The following DHRSX variants were observed in gnomAD, a reference collection of about 807,000 sequenced individuals.
DHRSX encodes polyprenol dehydrogenase.
A neutral mutation model predicts 34.0 loss-of-function variants in DHRSX; 31 were observed. That is an observed-to-expected ratio of 0.91 (90% CI 0.69 to 1.23). DHRSX has a LOEUF of 1.23. DHRSX is among the 50% of genes most tolerant of loss of function. The pLI is 0.00. For missense variants in DHRSX, 414 were observed against 428.1 expected, an observed-to-expected ratio of 0.97 and a Z score of 0.29; for synonymous variants, 201 against 183.8, an observed-to-expected ratio of 1.09 and a Z score of -0.76.
chrX:2,302,882 A>C (rs1435722987), intron 3 of DHRSX, among the ~76,000 whole-genome samples: 2 of 152,108 alleles, frequency 1.3e-5, no homozygotes, highest in Non-Finnish European at 2.9e-5. Flanking sequence ...TTTTTATTGT[A>C]TCTACGGCAG....
chrX:2,334,299 G>T (rs2042523172), intron 3 of DHRSX: 1 of 151,208 alleles, frequency 6.6e-6, no homozygotes, highest in South Asian at 2.1e-4. Context: ...CAAGTAGCTG[G>T]AATTCTAGGC....
At chrX:2,330,161 G>GGAGGAGGAGAAA (rs2042445983) in intron 3 of DHRSX, among the ~76,000 whole-genome samples, 1 of 133,236 alleles carries the variant, frequency 7.5e-6, no homozygotes, top group African/African-American at 2.8e-5. Flanking sequence ...AAAGGAAGGA[G>GGAGGAGGAGAAA]GAGGAGGTGA....
intron 1 of DHRSX, among the ~76,000 whole-genome samples, chrX:2,484,406 C>G (rs888313831): frequency 2.6e-5 from 4 of 152,100 alleles, no homozygotes; most frequent in Non-Finnish European, 5.9e-5. Flanking sequence ...AAGGACCTCC[C>G]GCATCTGACT....
chrX:2,393,555 GGC>G (rs2043364180), intron 3 of DHRSX, among the ~76,000 whole-genome samples: 1 of 8,828 alleles, frequency 1.1e-4, no homozygotes, highest in South Asian at 2.8e-3. Context: ...CCCTGTCTCC[GGC>G]GCACACAGGA....
intron 3 of DHRSX, among the ~76,000 whole-genome samples, chrX:2,294,801 G>GAGGAAAA (rs1416876035): frequency 1.6e-5 from 2 of 124,064 alleles, no homozygotes; most frequent in Non-Finnish European, 3.9e-5. Context: ...GAGGGAGAGA[G>GAGGAAAA]AGAGAGGAAA....
rs375050898 is a variant in DHRSX, at chrX:2,478,311, C to G, written c.109+22506G>C. On this transcript the variant is annotated intron_variant, in intron 1 of 6. Transcript: ENST00000334651. ...GGAAAGGGATTCCACATGAGAGTCA[C>G]AGACACCCAGTGAAGAAGCAAAAGC... Among the ~76,000 whole-genome samples the G allele has an allele frequency of 2.7e-3, 395 of 148,598 alleles. 2 individuals carry two copies. Among genetic ancestry groups the G allele is most frequent in the African/African-American group, 7.2e-3 (281 of 39,282 alleles).
At chrX:2,298,978 T>A (rs2041978392) in intron 3 of DHRSX, among the ~76,000 whole-genome samples, 3 of 100,150 alleles carry the variant, frequency 3.0e-5, no homozygotes, top group African/African-American at 1.3e-4. Context: ...AGAGTGAAAC[T>A]CTGTCTCAAA....
At chrX:2,466,529 A>G (rs1473341579) in intron 1 of DHRSX, among the ~76,000 whole-genome samples, 1 of 152,212 alleles carries the variant, frequency 6.6e-6, no homozygotes, top group Non-Finnish European at 1.5e-5. Flanking sequence ...AAACTCACGT[A>G]GGAAAAGAAA....
chrX:2,347,418 G>T (rs1318755412), intron 3 of DHRSX, among the ~76,000 whole-genome samples: 1 of 152,210 alleles, frequency 6.6e-6, no homozygotes, highest in Non-Finnish European at 1.5e-5. Context: ...TTGGGGCCGG[G>T]CGCGGTGGCT....
intron 2 of DHRSX, among the ~76,000 whole-genome samples, chrX:2,415,221 A>G (rs2043679213): frequency 6.6e-6 from 1 of 151,772 alleles, no homozygotes; most frequent in Non-Finnish European, 1.5e-5. Flanking sequence ...CATCATGACC[A>G]ATGCACTAGA....
chrX:2,300,279 A>C (rs185393788), intron 3 of DHRSX, among the ~76,000 whole-genome samples: 2,005 of 152,266 alleles, frequency 0.013, 43 homozygotes, highest in African/African-American at 0.043. Context: ...CTTAAACTCC[A>C]ATGTGACTTT....
chrX:2,261,287 T>C (rs2041360414), intron 5 of DHRSX: 1 of 152,178 alleles, frequency 6.6e-6, no homozygotes, highest in South Asian at 2.1e-4. Context: ...TGTGTTTTTA[T>C]AGGAATAAAA....
At chrX:2,423,269 A>G (rs1411817434) in intron 2 of DHRSX, among the ~76,000 whole-genome samples, 1 of 151,720 alleles carries the variant, frequency 6.6e-6, no homozygotes, top group East Asian at 2.0e-4. Flanking sequence ...AAAAATTAGC[A>G]GGGCATGGTG....
At chrX:2,271,613 C>G (rs987979369) in intron 4 of DHRSX, among the ~76,000 whole-genome samples, 1 of 152,082 alleles carries the variant, frequency 6.6e-6, no homozygotes, top group Non-Finnish European at 1.5e-5. Flanking sequence ...GGGAGGGATC[C>G]AATATCAATC....
chrX:2,429,462 T>TAA (rs2043890452), intron 1 of DHRSX, among the ~76,000 whole-genome samples: 1 of 151,752 alleles, frequency 6.6e-6, no homozygotes, highest in Non-Finnish European at 1.5e-5. Context: ...TTTTTTTTTT[T>TAA]TTTGAGCTGG....
intron 3 of DHRSX, among the ~76,000 whole-genome samples, chrX:2,363,437 A>C (rs2042959788): frequency 2.2e-5 from 3 of 136,172 alleles, no homozygotes; most frequent in Non-Finnish European, 4.6e-5. Flanking sequence ...TCACTGTTCT[A>C]TGGTAACATG....
rs778243781 is a variant in DHRSX at position 2,472,518 on chromosome X, C to A, written c.109+28299G>T. 4.6e-5 allele frequency among the ~76,000 whole-genome samples: 7 copies of A among 152,102 alleles called. No individual in the cohort carries two copies. In the South Asian group the frequency reaches 1.5e-3, roughly 32 times the overall value. On this transcript the variant is annotated intron_variant, in intron 1 of 6. Transcript: ENST00000334651. ...AGGCCAGGAGCAGTGATTCATAATC[C>A]CAGCACTTTGGGAGGCCAAGATGGG... is the stretch of plus-strand genomic sequence containing the variant.
Position 2,489,492 on chromosome X carries a change from T to C in DHRSX, c.109+11325A>G, listed in dbSNP as rs770368271. On this transcript the variant is annotated intron_variant, in intron 1 of 6. Transcript: ENST00000334651. ...GTGGGGTACCTGGAGGCCGACAGCA[T>C]CTCGGCCACCTGCTTGAAGGGCTGC... The C allele has an allele frequency of 3.7e-6, 6 of 1,613,404 alleles. No individual in the cohort carries two copies. In the Admixed American group the frequency reaches 8.3e-5, roughly 22 times the overall value.
At chrX:2,319,679 T>C (rs2042284407) in intron 3 of DHRSX, among the ~76,000 whole-genome samples, 1 of 151,988 alleles carries the variant, frequency 6.6e-6, no homozygotes, top group Non-Finnish European at 1.5e-5. Flanking sequence ...ATACAAACTA[T>C]GTACTAATCG....
Sources: allele counts gnomAD v4.1 joint callset (sites outside exome capture counted in the v4.1 genomes callset), GRCh38; gene constraint gnomAD v4.1.1; transcripts MANE v1.5; gene names NCBI Gene and HGNC (gene_info 2026-07-23, HGNC 2026-07-21).